RBFOX3: variants seen among roughly 807,000 people sequenced by gnomAD.
RBFOX3 encodes RNA binding protein fox-1 homolog 3.
RBFOX3 carries 17 observed loss-of-function variants against 48.7 expected under a neutral mutation model. The ratio of observed to expected loss-of-function variants is 0.35; its 90% CI spans 0.24 to 0.52. RBFOX3 has a LOEUF of 0.52. Ranked by LOEUF, RBFOX3 falls within the 20% of genes least tolerant of loss-of-function variation. The pLI is 0.94. For synonymous variants in RBFOX3, 212 were observed against 209.5 expected, an observed-to-expected ratio of 1.01 and a Z score of -0.10; for missense variants, 382 against 497.5, an observed-to-expected ratio of 0.77 and a Z score of 2.21.
rs139659022 is a variant in RBFOX3 at position 79,425,472 on chromosome 17, G to A, written c.-175+56982C>T. Among the ~76,000 whole-genome samples, 1,288 of 152,366 alleles carry A rather than the reference G, an allele frequency of 8.5e-3. 17 individuals carry two copies. Among genetic ancestry groups the A allele is most frequent in the African/African-American group, 0.028 (1,178 of 41,582 alleles). On this transcript the variant is annotated intron_variant, in intron 2 of 14. Transcript: ENST00000693108. The stretch of plus-strand genomic sequence containing the variant: ...GGCACCTCCCACCCGGACTGGAGCC[G>A]TGTCCACAGCTGCCAAGGATGGTGC...
At position 79,111,399 on chromosome 17, in the gene RBFOX3, C is replaced by T. The variant is rs2031426938; in HGVS notation, c.222+4095G>A. ...CTACCTGGCTGGCCCTCCACAGTGA[C>T]CCTCCGTGCTTTGTCTGGCATTTTT... On this transcript the variant is annotated intron_variant, in intron 5 of 14. Transcript: ENST00000693108. This position sits in a 1 kb window ranked among gnomAD's most constrained non-coding sequence, Gnocchi z 4.2. Among the ~76,000 whole-genome samples, 1 of 152,144 alleles carries T rather than the reference C, an allele frequency of 6.6e-6. No homozygotes were observed. Among genetic ancestry groups the T allele is most frequent in the Non-Finnish European group, 1.5e-5 (1 of 68,022 alleles).
At chr17:79,325,273 G>A (rs2079130524) in intron 2 of RBFOX3, among the ~76,000 whole-genome samples, 1 of 152,210 alleles carries the variant, frequency 6.6e-6, no homozygotes, top group African/African-American at 2.4e-5. Context: ...AGGTGGGTGA[G>A]GGCAGCCTGT....
At chr17:79,633,397 G>A in the RBFOX3 span, among the ~76,000 whole-genome samples, 190 of 152,356 alleles carry the variant, frequency 1.2e-3, no homozygotes, top group African/African-American at 4.4e-3. Context: ...TCCCCGGGGC[G>A]GCAGCTGCAG....
At chr17:79,139,120 G>A (rs1041148028) in intron 4 of RBFOX3, among the ~76,000 whole-genome samples, 6 of 149,094 alleles carry the variant, frequency 4.0e-5, no homozygotes, top group Admixed American at 2.0e-4. Context: ...ACCCACACAC[G>A]CACAGCACAT....
chr17:79,530,482 C>T (rs1441497023), intron 1 of RBFOX3, among the ~76,000 whole-genome samples: 3 of 152,200 alleles, frequency 2.0e-5, no homozygotes, highest in East Asian at 3.9e-4. Context: ...AGCGACAGCT[C>T]ACCCGGGGCC....
Position 79,111,583 on chromosome 17 carries a change from G to A in RBFOX3, c.222+3911C>T, listed in dbSNP as rs1307056363. On this transcript the variant is annotated intron_variant, in intron 5 of 14. Coordinates refer to ENST00000693108, the MANE Select transcript of RBFOX3 (RefSeq NM_001350451.2). This position sits in a 1 kb window ranked among gnomAD's most constrained non-coding sequence, Gnocchi z 4.2. ...CCCGGGCAGCTGGGATTACAGGCAC[G>A]AGCCACCATGCCCGATTAATTTTTG... Among the ~76,000 whole-genome samples, 2 of 152,150 alleles carry A rather than the reference G, an allele frequency of 1.3e-5. No individual in the cohort carries two copies. The highest frequency in any genetic ancestry group is 2.4e-5 in the African/African-American group (1 of 41,432).
At chr17:79,647,060 C>CGTGTGTGTGTGT in the RBFOX3 span, among the ~76,000 whole-genome samples, 59 of 149,562 alleles carry the variant, frequency 3.9e-4, no homozygotes, top group African/African-American at 1.5e-3. Flanking sequence ...TTTTCACTGC[C>CGTGTGTGTGTGT]GTGTGTGTGT....
intron 1 of RBFOX3, among the ~76,000 whole-genome samples, chr17:79,520,595 G>A (rs2085919735): frequency 2.0e-5 from 3 of 152,170 alleles, no homozygotes; most frequent in Non-Finnish European, 4.4e-5. Context: ...TCATGCACAG[G>A]GCCAGAGGCC....
At chr17:79,239,212 A>G (rs1276366968) in intron 3 of RBFOX3, among the ~76,000 whole-genome samples, 1 of 151,810 alleles carries the variant, frequency 6.6e-6, no homozygotes, top group Non-Finnish European at 1.5e-5. Context: ...TCCTTGCCCC[A>G]CCTACCCAAT....
At chr17:79,225,852 G>T (rs2060252717) in intron 4 of RBFOX3, among the ~76,000 whole-genome samples, 1 of 152,136 alleles carries the variant, frequency 6.6e-6, no homozygotes, top group African/African-American at 2.4e-5. Context: ...GCACTCCTGG[G>T]CTTTACCCCG....
chr17:79,469,805 C>T (rs937323513), intron 2 of RBFOX3, among the ~76,000 whole-genome samples: 37 of 152,244 alleles, frequency 2.4e-4, no homozygotes, highest in Admixed American at 7.8e-4. Flanking sequence ...TGAAGGAGAG[C>T]GCTCATGAGG....
chr17:79,153,044 G>A, intron 4 of RBFOX3, among the ~76,000 whole-genome samples: 1 of 152,222 alleles, frequency 6.6e-6, no homozygotes, highest in East Asian at 1.9e-4. Flanking sequence ...CAGGACATCT[G>A]CCCGCTGGGG....
intron 4 of RBFOX3, among the ~76,000 whole-genome samples, chr17:79,173,953 A>AC (rs2049951011): frequency 6.6e-6 from 1 of 151,696 alleles, no homozygotes; most frequent in Non-Finnish European, 1.5e-5. Flanking sequence ...CCTCTTAGTC[A>AC]CCCTTGACTC....
At chr17:79,386,062 C>G in intron 2 of RBFOX3, among the ~76,000 whole-genome samples, 1 of 150,952 alleles carries the variant, frequency 6.6e-6, no homozygotes, top group East Asian at 2.0e-4. Flanking sequence ...AAAGAGGCTC[C>G]ATCACCCTCC....
intron 2 of RBFOX3, among the ~76,000 whole-genome samples, chr17:79,333,147 G>A (rs1359757786): frequency 1.3e-5 from 2 of 152,118 alleles, no homozygotes; most frequent in Non-Finnish European, 2.9e-5. Flanking sequence ...CAGGCCAGGG[G>A]AGACCCTGCC....
At chr17:79,374,909 C>T (rs967684099) in intron 2 of RBFOX3, among the ~76,000 whole-genome samples, 2 of 152,196 alleles carry the variant, frequency 1.3e-5, no homozygotes, top group African/African-American at 4.8e-5. Context: ...CTCCTCTCAG[C>T]CCAGTGGCTT....
At chr17:79,650,536 C>T in the RBFOX3 span, among the ~76,000 whole-genome samples, 1 of 152,130 alleles carries the variant, frequency 6.6e-6, no homozygotes, top group Non-Finnish European at 1.5e-5. Flanking sequence ...TCCACTAGGA[C>T]GTGAACCAGA....
At chr17:79,114,877 G>A (rs2033390519) in intron 5 of RBFOX3, among the ~76,000 whole-genome samples, 1 of 152,244 alleles carries the variant, frequency 6.6e-6, no homozygotes, top group Non-Finnish European at 1.5e-5. Flanking sequence ...CTCCAGGCCA[G>A]CCGCTTGGCC....
rs144744238 is a variant in RBFOX3, at chr17:79,337,973, G to A, written c.-174-30149C>T. On this transcript the variant is annotated intron_variant, in intron 2 of 14. Coordinates refer to ENST00000693108, the MANE Select transcript of RBFOX3 (RefSeq NM_001350451.2). ...TTTTTTTTTTAGACAGAGTCTCACA[G>A]TGTCACCCAGGTTGGAGCGCAGTGG... 3.6e-3 allele frequency among the ~76,000 whole-genome samples: 530 copies of A among 148,846 alleles called. 4 individuals are homozygous for A. Among genetic ancestry groups the A allele is most frequent in the African/African-American group, 0.012 (491 of 40,064 alleles).
Sources: allele counts gnomAD v4.1 joint callset (sites outside exome capture counted in the v4.1 genomes callset), GRCh38; gene constraint gnomAD v4.1.1; non-coding constraint Gnocchi (gnomAD v3.1); transcripts MANE v1.5; gene names NCBI Gene and HGNC (gene_info 2026-07-23, HGNC 2026-07-21).